Variants in TAFA1 observed in about 807,000 individuals in gnomAD.
TAFA1 encodes chemokine-like protein TAFA-1.
TAFA1 carries 4 observed loss-of-function variants against 18.5 expected under a neutral mutation model. That is an observed-to-expected ratio of 0.22 (90% CI 0.11 to 0.49). The LOEUF is 0.49. TAFA1 is among the 20% of genes least tolerant of loss of function. The pLI is 0.98. For synonymous variants in TAFA1, 56 were observed against 55.2 expected, an observed-to-expected ratio of 1.01 and a Z score of -0.06; for missense variants, 147 against 169.0, an observed-to-expected ratio of 0.87 and a Z score of 0.72.
chr3:68,391,156 G>A (rs912600521), intron 2 of TAFA1, among the ~76,000 whole-genome samples: 1 of 152,162 alleles, frequency 6.6e-6, no homozygotes, highest in Non-Finnish European at 1.5e-5. Context: ...CCAGTTTAGA[G>A]AAGAACATAA....
In TAFA1 at chr3:68,225,138, G is replaced by A. The variant is rs149370902; in HGVS notation, c.119-192142G>A. On this transcript the variant is annotated intron_variant, in intron 2 of 4. Transcript: ENST00000478136. ...TTGGCCAGGCTGGTCTTCAACTCCT[G>A]ACCTCGTGATCCACCTGCCTCGGCC... is the stretch of plus-strand genomic sequence containing the variant. 4.2e-3 allele frequency among the ~76,000 whole-genome samples: 641 copies of A among 151,854 alleles called. 2 individuals are homozygous for A. Among genetic ancestry groups the A allele is most frequent in the African/African-American group, 0.015 (616 of 41,426 alleles).
At chr3:68,341,967 T>C (rs760253029) in intron 2 of TAFA1, among the ~76,000 whole-genome samples, 1 of 152,034 alleles carries the variant, frequency 6.6e-6, no homozygotes, top group Non-Finnish European at 1.5e-5. Context: ...GCATTTTGAG[T>C]TGGTGGTTGA....
chr3:68,117,301 A>T (rs573707586), intron 2 of TAFA1, among the ~76,000 whole-genome samples: 4 of 152,204 alleles, frequency 2.6e-5, no homozygotes, highest in African/African-American at 2.4e-5. Context: ...TCAGGAGCAC[A>T]TTAATTACAT....
intron 2 of TAFA1, among the ~76,000 whole-genome samples, chr3:68,232,705 A>G (rs1023641846): frequency 6.6e-6 from 1 of 152,080 alleles, no homozygotes; most frequent in African/African-American, 2.4e-5. Flanking sequence ...TCCTGGATTC[A>G]AGTGATCCTC....
chr3:68,203,473 G>A (rs1158232067), intron 2 of TAFA1, among the ~76,000 whole-genome samples: 1 of 151,558 alleles, frequency 6.6e-6, no homozygotes, highest in Non-Finnish European at 1.5e-5. Flanking sequence ...TGTAATTTTT[G>A]CTTGCAAACC....
intron 2 of TAFA1, among the ~76,000 whole-genome samples, chr3:68,198,764 A>T (rs2066440922): frequency 6.6e-6 from 1 of 151,462 alleles, no homozygotes; most frequent in Admixed American, 6.6e-5. Context: ...CATTTTGAGT[A>T]ACAGTCCTTT....
intron 3 of TAFA1, among the ~76,000 whole-genome samples, chr3:68,524,761 C>T (rs887262826): frequency 6.6e-6 from 1 of 151,960 alleles, no homozygotes; most frequent in Non-Finnish European, 1.5e-5. Context: ...AGCTCTGCCT[C>T]CCGGGTTCAC....
intron 2 of TAFA1, among the ~76,000 whole-genome samples, chr3:68,064,686 T>C (rs1559722971): frequency 6.6e-6 from 1 of 151,842 alleles, no homozygotes; most frequent in African/African-American, 2.4e-5. Flanking sequence ...AGAAAGCTTC[T>C]TAACTCCTCA....
At chr3:68,129,410 A>G (rs1462489936) in intron 2 of TAFA1, among the ~76,000 whole-genome samples, 1 of 152,254 alleles carries the variant, frequency 6.6e-6, no homozygotes, top group Non-Finnish European at 1.5e-5. Flanking sequence ...AACTACTGCA[A>G]GATACTCAAT....
chr3:68,490,711 G>T (rs2136714), intron 3 of TAFA1, among the ~76,000 whole-genome samples: 29,489 of 151,760 alleles, frequency 0.19, 2,987 homozygotes, highest in Middle Eastern at 0.21. Context: ...TAACATGTGA[G>T]GTTTATTGTT....
At chr3:68,062,924 T>A (rs1410202037) in intron 2 of TAFA1, among the ~76,000 whole-genome samples, 1 of 152,196 alleles carries the variant, frequency 6.6e-6, no homozygotes, top group South Asian at 2.1e-4. Flanking sequence ...TTTTTGACAG[T>A]CTTCAGTGGC....
At chr3:68,185,602 T>G (rs2066259844) in intron 2 of TAFA1, among the ~76,000 whole-genome samples, 1 of 152,020 alleles carries the variant, frequency 6.6e-6, no homozygotes. Context: ...CTAACCTTAG[T>G]AGAAAGACAC....
chr3:68,447,071 A>G (rs1162366461), intron 3 of TAFA1, among the ~76,000 whole-genome samples: 3 of 152,178 alleles, frequency 2.0e-5, no homozygotes, highest in Non-Finnish European at 4.4e-5. Flanking sequence ...GATATTTTTA[A>G]AGGATTTGTA....
chr3:68,174,771 T>A (rs191118881), intron 2 of TAFA1, among the ~76,000 whole-genome samples: 4 of 152,120 alleles, frequency 2.6e-5, no homozygotes, highest in African/African-American at 9.7e-5. Flanking sequence ...TGAGGAGAAA[T>A]TCAAGCCTGC....
At chr3:68,227,107 G>T (rs2066810619) in intron 2 of TAFA1, among the ~76,000 whole-genome samples, 1 of 152,104 alleles carries the variant, frequency 6.6e-6, no homozygotes, top group South Asian at 2.1e-4. Context: ...AGCAGTCATT[G>T]TTACTGGGGT....
chr3:68,280,049 A>C (rs2067871205), intron 2 of TAFA1, among the ~76,000 whole-genome samples: 1 of 152,210 alleles, frequency 6.6e-6, no homozygotes, highest in Admixed American at 6.5e-5. Flanking sequence ...ACAGAATGTA[A>C]AAATTCTAAT....
chr3:68,175,335 G>A (rs1474882630), intron 2 of TAFA1, among the ~76,000 whole-genome samples: 5 of 152,182 alleles, frequency 3.3e-5, no homozygotes, highest in African/African-American at 1.2e-4. Context: ...TAGATCCACT[G>A]ACAGCTTGCA....
intron 2 of TAFA1, among the ~76,000 whole-genome samples, chr3:68,044,470 A>G (rs1347498742): frequency 6.6e-6 from 1 of 152,120 alleles, no homozygotes; most frequent in Non-Finnish European, 1.5e-5. Context: ...GAGGCCCTGG[A>G]TAATCCTGCC....
chr3:68,299,317 G>C (rs1025293816), intron 2 of TAFA1, among the ~76,000 whole-genome samples: 1 of 152,226 alleles, frequency 6.6e-6, no homozygotes, highest in Non-Finnish European at 1.5e-5. Context: ...GCAGCATTTT[G>C]CCCCTGCTCT....
Sources: gnomAD v4.1 joint callset for allele counts (sites outside exome capture counted in the v4.1 genomes callset) on GRCh38, gnomAD v4.1.1 for gene constraint, MANE v1.5 for transcripts, NCBI Gene and HGNC (gene_info 2026-07-23, HGNC 2026-07-21) for gene names.